Variants in TRPM3 observed in about 807,000 individuals in gnomAD.
TRPM3 encodes the protein long transient receptor potential channel 3.
A neutral mutation model predicts 181.2 loss-of-function variants in TRPM3; 77 were observed. The ratio of observed to expected loss-of-function variants is 0.42; its 90% CI spans 0.35 to 0.51. The LOEUF is 0.51. Ranked by LOEUF, TRPM3 falls within the 20% of genes least tolerant of loss-of-function variation. TRPM3 has a pLI of 0.01. For missense variants in TRPM3, 1,759 were observed against 2,196.7 expected, an observed-to-expected ratio of 0.80 and a Z score of 3.98; for synonymous variants, 745 against 796.4, an observed-to-expected ratio of 0.94 and a Z score of 1.09.
intron 1 of TRPM3, among the ~76,000 whole-genome samples, chr9:71,426,794 T>A (rs2093871519): frequency 6.6e-6 from 1 of 152,120 alleles, no homozygotes; most frequent in Non-Finnish European, 1.5e-5. Context: ...TGCTAAAAGT[T>A]GTAAAGTACT....
chr9:71,334,086 C>G lies in TRPM3; in HGVS notation c.183+112567G>C, dbSNP rs570372476. ...TTCTAAAATACAATGAAACAACAAA[C>G]TAATTTTTCTTCTAAAGTATAACAT... On this transcript the variant is annotated intron_variant, in intron 1 of 24. Transcript: ENST00000357533. Among the ~76,000 whole-genome samples, 38 of 151,840 alleles carry G rather than the reference C, an allele frequency of 2.5e-4. No individual in the cohort carries two copies. The South Asian group carries it at 7.1e-3, about 28-fold the overall frequency.
chr9:70,576,431 G>A (rs2053945331), intron 22 of TRPM3, among the ~76,000 whole-genome samples: 1 of 151,642 alleles, frequency 6.6e-6, no homozygotes, highest in Non-Finnish European at 1.5e-5. Flanking sequence ...ATTCCACCAT[G>A]ACATGCTACG....
chr9:71,205,861 C>G (rs180735699), intron 1 of TRPM3, among the ~76,000 whole-genome samples: 142 of 152,312 alleles, frequency 9.3e-4, no homozygotes, highest in Middle Eastern at 3.4e-3. Context: ...ACCTAAATCC[C>G]TGTGTTTGCA....
At position 70,975,525 on chromosome 9, in the gene TRPM3, CA is replaced by C. The variant is rs745614625; in HGVS notation, c.178-111015del. Among the ~76,000 whole-genome samples the C allele has an allele frequency of 9.2e-5, 14 of 152,244 alleles. No individual in the cohort carries two copies. The East Asian group carries it at 2.7e-3, about 29-fold the overall frequency. On this transcript the variant is annotated intron_variant, in intron 1 of 25. Transcript: ENST00000677713. ...GTACAGTTACCTAACACTCTGTAGC[CA>C]CAATTTCTGAAGAAGTTTCTTAATT...
chr9:70,603,850 A>G (rs1305510978), intron 19 of TRPM3, among the ~76,000 whole-genome samples: 4 of 152,186 alleles, frequency 2.6e-5, no homozygotes, highest in Non-Finnish European at 4.4e-5. Flanking sequence ...CTAGGGCAGC[A>G]CAGTGGATTT....
chr9:71,009,608 C>T (rs1025244606), intron 1 of TRPM3, among the ~76,000 whole-genome samples: 4 of 151,756 alleles, frequency 2.6e-5, no homozygotes, highest in African/African-American at 7.2e-5. Context: ...GGAAATATAC[C>T]CCATGTTCAT....
intron 1 of TRPM3, among the ~76,000 whole-genome samples, chr9:71,012,974 A>G (rs1161185796): frequency 2.0e-5 from 3 of 152,074 alleles, no homozygotes; most frequent in Non-Finnish European, 4.4e-5. Flanking sequence ...TAATGTGAAT[A>G]CTTTGTGTTT....
At chr9:70,813,105 AT>A (rs11354405) in intron 6 of TRPM3, among the ~76,000 whole-genome samples, 46,573 of 151,966 alleles carry the variant, frequency 0.31, 8,539 homozygotes, top group African/African-American at 0.51. Context: ...CGTGACTGTG[AT>A]TTTTTTTACA....
intron 1 of TRPM3, among the ~76,000 whole-genome samples, chr9:71,299,500 AGATGAAGGAAGG>A (rs2086586922): frequency 6.6e-6 from 1 of 150,966 alleles, no homozygotes; most frequent in Non-Finnish European, 1.5e-5. Context: ...AAAGAGAAAA[AGATGAAGGAAGG>A]GAGGAAGGAA....
At chr9:70,580,759 CT>C in intron 22 of TRPM3, among the ~76,000 whole-genome samples, 1 of 152,352 alleles carries the variant, frequency 6.6e-6, no homozygotes, top group East Asian at 1.9e-4. Flanking sequence ...CTCCAGGAGA[CT>C]TTCTCAGAGT....
intron 6 of TRPM3, among the ~76,000 whole-genome samples, chr9:70,800,317 C>T (rs1223033449): frequency 6.6e-6 from 1 of 152,150 alleles, no homozygotes; most frequent in African/African-American, 2.4e-5. Context: ...TACCTGTCAT[C>T]CCAGAGTAAT....
intron 1 of TRPM3, among the ~76,000 whole-genome samples, chr9:71,302,482 T>G (rs577972568): frequency 6.6e-6 from 1 of 152,214 alleles, no homozygotes; most frequent in African/African-American, 2.4e-5. Context: ...AATTCTAAAA[T>G]GCTGTTTGAT....
chr9:71,428,909 A>C (rs1386925085), intron 1 of TRPM3, among the ~76,000 whole-genome samples: 1 of 147,150 alleles, frequency 6.8e-6, no homozygotes, highest in Non-Finnish European at 1.5e-5. Context: ...ATTGCACCGC[A>C]CTCCAACCTG....
chr9:70,670,506 AT>A (rs1198513438), intron 9 of TRPM3, among the ~76,000 whole-genome samples: 1 of 152,208 alleles, frequency 6.6e-6, no homozygotes, highest in Non-Finnish European at 1.5e-5. Flanking sequence ...AAGAAAATTA[AT>A]TTTATTTTAA....
intron 1 of TRPM3, among the ~76,000 whole-genome samples, chr9:71,197,988 G>T (rs1282394114): frequency 1.3e-5 from 2 of 151,056 alleles, no homozygotes; most frequent in Non-Finnish European, 2.9e-5. Flanking sequence ...TTTCTTCTAG[G>T]GTTTTTATGG....
intron 22 of TRPM3, among the ~76,000 whole-genome samples, chr9:70,581,942 T>C (rs2055848981): frequency 7.5e-6 from 1 of 132,652 alleles, no homozygotes; most frequent in Admixed American, 7.6e-5. Context: ...CTCCCTTTTT[T>C]CCTTGTCTTC....
intron 1 of TRPM3, among the ~76,000 whole-genome samples, chr9:71,243,216 A>AT (rs1453400686): frequency 6.6e-6 from 1 of 152,040 alleles, no homozygotes; most frequent in African/African-American, 2.4e-5. Flanking sequence ...TAATTTTTGT[A>AT]TTTTTAGTAA....
At chr9:71,324,981 T>C (rs973620956) in intron 1 of TRPM3, among the ~76,000 whole-genome samples, 1 of 151,930 alleles carries the variant, frequency 6.6e-6, no homozygotes, top group African/African-American at 2.4e-5. Flanking sequence ...GAGAAGTGGT[T>C]TAAAGAGTAC....
intron 1 of TRPM3, among the ~76,000 whole-genome samples, chr9:71,275,056 G>A (rs917546379): frequency 8.4e-6 from 1 of 119,438 alleles, no homozygotes; most frequent in Non-Finnish European, 1.8e-5. Context: ...AGCCAACATA[G>A]TAAGGCAAGG....
Sources: allele counts gnomAD v4.1 joint callset (sites outside exome capture counted in the v4.1 genomes callset), GRCh38; gene constraint gnomAD v4.1.1; transcripts MANE v1.5; gene names NCBI Gene and HGNC (gene_info 2026-07-23, HGNC 2026-07-21).